Variants in MAGI2 observed in about 807,000 individuals in gnomAD.
MAGI2 encodes membrane associated guanylate kinase, WW and PDZ domain containing 2.
Under a neutral mutation model 133.3 loss-of-function variants are expected in MAGI2, and 35 were observed. The ratio of observed to expected loss-of-function variants is 0.26; its 90% CI spans 0.20 to 0.35. The LOEUF is 0.35. Among genes scored for constraint, MAGI2 ranks in the 10% least tolerant of loss-of-function variants. The pLI, the probability that MAGI2 is intolerant of heterozygous loss-of-function variation, is 1.00. For synonymous variants in MAGI2, 729 were observed against 710.6 expected, an observed-to-expected ratio of 1.03 and a Z score of -0.41; for missense variants, 1,636 against 1,863.4, an observed-to-expected ratio of 0.88 and a Z score of 2.25.
At chr7:78,089,887 G>T (rs1315597850) in intron 20 of MAGI2, among the ~76,000 whole-genome samples, 1 of 151,986 alleles carries the variant, frequency 6.6e-6, no homozygotes, top group Admixed American at 6.6e-5. Flanking sequence ...CTCCCCTCCT[G>T]CCCCATGCTT....
chr7:78,752,349 T>C (rs574011071), intron 2 of MAGI2, among the ~76,000 whole-genome samples: 13 of 152,170 alleles, frequency 8.5e-5, no homozygotes, highest in Non-Finnish European at 1.6e-4. Context: ...ATGCCTGTAA[T>C]CCCAGCACTT....
At chr7:78,714,808 G>A (rs1342603755) in intron 2 of MAGI2, among the ~76,000 whole-genome samples, 1 of 152,138 alleles carries the variant, frequency 6.6e-6, no homozygotes, top group Non-Finnish European at 1.5e-5. Flanking sequence ...TTCCAAAGAT[G>A]CTGAGCGATG....
intron 14 of MAGI2, among the ~76,000 whole-genome samples, chr7:78,175,414 G>A (rs1826496598): frequency 6.6e-6 from 1 of 152,170 alleles, no homozygotes; most frequent in Admixed American, 6.5e-5. Flanking sequence ...GCAAGTGTGA[G>A]TGGAGACTCC....
intron 1 of MAGI2, among the ~76,000 whole-genome samples, chr7:79,135,620 T>C (rs1821320100): frequency 6.6e-6 from 1 of 152,080 alleles, no homozygotes; most frequent in Non-Finnish European, 1.5e-5. Flanking sequence ...TGTTTCTTCC[T>C]CCATCTGAAA....
chr7:78,772,404 C>T (rs1411569887), intron 2 of MAGI2, among the ~76,000 whole-genome samples: 1 of 152,184 alleles, frequency 6.6e-6, no homozygotes, highest in Non-Finnish European at 1.5e-5. Context: ...GTTCTGTCCA[C>T]GGATTCTTAA....
intron 9 of MAGI2, among the ~76,000 whole-genome samples, chr7:78,297,196 T>G (rs1797342230): frequency 6.6e-6 from 1 of 152,180 alleles, no homozygotes; most frequent in Admixed American, 6.5e-5. Context: ...AAAGAGCAAC[T>G]TTATGGTAGA....
chr7:78,229,491 G>A (rs560083851), intron 10 of MAGI2, among the ~76,000 whole-genome samples: 1 of 152,230 alleles, frequency 6.6e-6, no homozygotes, highest in South Asian at 2.1e-4. Flanking sequence ...ACCACATACT[G>A]GGCTCTGTGT....
At chr7:78,934,434 T>C (rs541144039) in intron 2 of MAGI2, among the ~76,000 whole-genome samples, 307 of 152,234 alleles carry the variant, frequency 2.0e-3, no homozygotes, top group Non-Finnish European at 3.5e-3. Context: ...GTATTAATGG[T>C]GTCATATTTT....
At chr7:78,291,190 CTAAT>C (rs1157286377) in intron 9 of MAGI2, among the ~76,000 whole-genome samples, 13 of 152,072 alleles carry the variant, frequency 8.5e-5, no homozygotes, top group African/African-American at 2.9e-4. Flanking sequence ...GCTAGCAAGA[CTAAT>C]AAAGAAGAAA....
chr7:79,021,229 G>A (rs1313580129), intron 1 of MAGI2, among the ~76,000 whole-genome samples: 1 of 152,238 alleles, frequency 6.6e-6, no homozygotes, highest in African/African-American at 2.4e-5. Flanking sequence ...GTGCAGAAGG[G>A]AAATGTGGGT....
At chr7:79,333,961 T>G (rs1255274129) in intron 1 of MAGI2, among the ~76,000 whole-genome samples, 1 of 152,212 alleles carries the variant, frequency 6.6e-6, no homozygotes, top group Non-Finnish European at 1.5e-5. Flanking sequence ...ACACTTTTAC[T>G]TTCCAAAAAT....
At chr7:78,291,513 G>A (rs1796706644) in intron 9 of MAGI2, among the ~76,000 whole-genome samples, 1 of 152,100 alleles carries the variant, frequency 6.6e-6, no homozygotes, top group East Asian at 1.9e-4. Context: ...ACAAGGAGGA[G>A]CTGGTACCAT....
intron 9 of MAGI2, among the ~76,000 whole-genome samples, chr7:78,261,569 G>T (rs1217385645): frequency 6.6e-6 from 1 of 152,088 alleles, no homozygotes; most frequent in African/African-American, 2.4e-5. Flanking sequence ...ATAAAGGATG[G>T]AAAGATTTAG....
At chr7:79,094,841 C>T (rs79159607) in intron 1 of MAGI2, among the ~76,000 whole-genome samples, 5,505 of 152,234 alleles carry the variant, frequency 0.036, 212 homozygotes, top group African/African-American at 0.097. Context: ...ATGTTGTAAA[C>T]AGGTGTGTTG....
rs576505772 is a variant in MAGI2, at chr7:79,021,820, G to C, written c.302-14614C>G. On this transcript the variant is annotated intron_variant, in intron 1 of 21. Coordinates refer to ENST00000354212, the MANE Select transcript of MAGI2 (RefSeq NM_012301.4). ...AGGACATGAGATTTGGGAGGGGCCA[G>C]GGTGGAATGATATGGCTGCGTCTTT... Among the ~76,000 whole-genome samples, 4 of 145,472 alleles carry C rather than the reference G, an allele frequency of 2.7e-5. No individual in the cohort carries two copies. The South Asian group carries it at 9.2e-4, about 33-fold the overall frequency.
At chr7:78,691,505 A>G (rs529760555) in intron 2 of MAGI2, among the ~76,000 whole-genome samples, 3 of 152,324 alleles carry the variant, frequency 2.0e-5, no homozygotes, top group Admixed American at 2.0e-4. Context: ...AGTGGGTGAG[A>G]GCCTTCATCC....
intron 1 of MAGI2, among the ~76,000 whole-genome samples, chr7:79,076,051 G>A (rs557632446): frequency 1.7e-4 from 26 of 152,228 alleles, no homozygotes; most frequent in African/African-American, 3.8e-4. Context: ...TTATAATCTC[G>A]TTATACTTAA....
intron 2 of MAGI2, among the ~76,000 whole-genome samples, chr7:78,668,038 A>G (rs1813847692): frequency 6.6e-6 from 1 of 152,024 alleles, no homozygotes; most frequent in Non-Finnish European, 1.5e-5. Flanking sequence ...TTCTCCCCAC[A>G]TCCTCTCCAG....
At chr7:78,573,032 T>C (rs1348073758) in intron 3 of MAGI2, among the ~76,000 whole-genome samples, 1 of 47,638 alleles carries the variant, frequency 2.1e-5, no homozygotes, top group Non-Finnish European at 3.4e-5. Context: ...TATGCATATG[T>C]ATGTATATAT....
Sources: allele counts gnomAD v4.1 joint callset (sites outside exome capture counted in the v4.1 genomes callset), GRCh38; gene constraint gnomAD v4.1.1; transcripts MANE v1.5; gene names NCBI Gene and HGNC (gene_info 2026-07-23, HGNC 2026-07-21).